CNOT10: variants seen among roughly 807,000 people sequenced by gnomAD.
CNOT10 encodes CCR4-NOT transcription complex subunit 10, also known as CCR4-NOT transcription complex, subunit 10.
In CNOT10, 30 loss-of-function variants were observed where a neutral mutation model predicts 94.6. The ratio of observed to expected loss-of-function variants is 0.32; its 90% CI spans 0.24 to 0.43. The LOEUF is 0.43. CNOT10 is among the 20% of genes least tolerant of loss of function. The probability of loss-of-function intolerance (pLI) is 1.00; values close to 1 mark genes in which losing one functional copy is unlikely to be tolerated. For synonymous variants in CNOT10, 289 were observed against 301.6 expected (o/e 0.96, Z 0.43); for missense variants, 759 against 877.2 (o/e 0.87, Z 1.70).
chr3:32,686,979 C>CCT (rs58293967), intron 1 of CNOT10, among the ~76,000 whole-genome samples: 22,100 of 152,104 alleles, frequency 0.15, 1,715 homozygotes, highest in South Asian at 0.24. Context: ...TAGCTGCACT[C>CCT]CTGTTTGGTA....
At chr3:32,720,949 T>TCCCTTCCC (rs1698368364) in intron 8 of CNOT10, among the ~76,000 whole-genome samples, 1 of 139,026 alleles carries the variant, frequency 7.2e-6, no homozygotes, top group East Asian at 2.3e-4. Context: ...CTTCCCTTCC[T>TCCCTTCCC]TCCCTTCCCT....
chr3:32,717,958 A>G (rs1328824235), intron 7 of CNOT10, among the ~76,000 whole-genome samples: 1 of 152,190 alleles, frequency 6.6e-6, no homozygotes, highest in Non-Finnish European at 1.5e-5. Flanking sequence ...TTGGCTTGAC[A>G]GTACCTTCGA....
At position 32,764,500 on chromosome 3, in the gene CNOT10, A is replaced by C. The variant is rs781110362; in HGVS notation, c.1876+10A>C. On this transcript the variant is annotated intron_variant, in intron 16 of 18. Coordinates refer to ENST00000328834, the MANE Select transcript of CNOT10 (RefSeq NM_015442.3). ...GAAGCAATGGAATCCTGTAAGTAAG[A>C]AGTTTTGTGATACTTAAGTAGCCTG... 36 of 1,612,970 alleles carry C rather than the reference A, an allele frequency of 2.2e-5. No individual in the cohort carries two copies. The highest frequency in any genetic ancestry group is 3.0e-5 in the Non-Finnish European group (35 of 1,179,720).
intron 2 of CNOT10, 84 bp from the exon 3 acceptor site, chr3:32,704,727 T>A (rs184184876): frequency 4.6e-5 from 65 of 1,405,232 alleles, no homozygotes; most frequent in Non-Finnish European, 6.0e-5. Flanking sequence ...AAGATAAAGA[T>A]GAATGAAATA....
At chr3:32,703,671 A>G in intron 1 of CNOT10, 197 bp from the exon 2 acceptor site, 1 of 508,726 alleles carries the variant, frequency 2.0e-6, no homozygotes, top group African/African-American at 1.9e-5. Flanking sequence ...GGGACACTGC[A>G]GGATGGCAAG....
chr3:32,709,672 G>A (rs924655377), intron 4 of CNOT10, among the ~76,000 whole-genome samples: 2 of 151,844 alleles, frequency 1.3e-5, no homozygotes, highest in Non-Finnish European at 2.9e-5. Context: ...CTTGGTAGCT[G>A]GACAGACTGG....
chr3:32,752,906 G>C (rs1412785391), intron 13 of CNOT10: 2 of 388,614 alleles, frequency 5.1e-6, no homozygotes, highest in Non-Finnish European at 1.0e-5. Context: ...CAGTGACTAC[G>C]AGGATGGCGG....
At position 32,690,664 on chromosome 3, in the gene CNOT10, A is replaced by C. The variant is rs185461833; in HGVS notation, c.22+5182A>C. Reference sequence around the variant, plus strand: ...CGGGTTCACACCATTCTCCTGCCTCAGCCTCCCAAGTGGCTAGGACTACAG... The same window carrying C: ...CGGGTTCACACCATTCTCCTGCCTCCGCCTCCCAAGTGGCTAGGACTACAG... On this transcript the variant is annotated intron_variant, in intron 1 of 18. Transcript: ENST00000328834. 8.9e-4 allele frequency among the ~76,000 whole-genome samples: 135 copies of C among 151,686 alleles called. 3 individuals carry two copies. In the East Asian group the frequency reaches 0.019, roughly 21 times the overall value.
rs1416283028 is a variant in CNOT10 at position 32,733,630 on chromosome 3, TATC to T, written c.1337+89_1337+91del. The T allele has an allele frequency of 4.4e-6, 4 of 915,686 alleles. No homozygotes were observed. The South Asian group carries it at 7.5e-5, about 17-fold the overall frequency. The allele number at this position is 915,686 out of a possible 1,614,324, so 56.7% of individuals were successfully genotyped here. A position where few individuals can be genotyped will look rare whatever the true frequency, so the allele number is the denominator to read the frequency against. On this transcript the variant is annotated intron_variant, in intron 11 of 18. Coordinates refer to ENST00000328834, the MANE Select transcript of CNOT10 (RefSeq NM_015442.3). ...TATATATAAAAGTATGATTAGGATTTATCATTGCATAGGAGGAACCACTTTGTA... is the reference window on the plus strand; with the variant it reads ...TATATATAAAAGTATGATTAGGATTTATTGCATAGGAGGAACCACTTTGTA...
At chr3:32,749,602 A>T (rs1459971586) in intron 13 of CNOT10, among the ~76,000 whole-genome samples, 9 of 151,338 alleles carry the variant, frequency 5.9e-5, no homozygotes, top group Non-Finnish European at 1.3e-4. Context: ...TAGAGACAGG[A>T]TTTCCCCATG....
At chr3:32,714,858 T>G (rs1698052138) in intron 5 of CNOT10, among the ~76,000 whole-genome samples, 1 of 152,226 alleles carries the variant, frequency 6.6e-6, no homozygotes, top group South Asian at 2.1e-4. Flanking sequence ...ACTTCCGTTT[T>G]CTGTCCCTTT....
chr3:32,707,522 G>A (rs1388906941), intron 3 of CNOT10, among the ~76,000 whole-genome samples: 2 of 152,128 alleles, frequency 1.3e-5, no homozygotes, highest in South Asian at 2.1e-4. Flanking sequence ...CTATGTCCTC[G>A]GCCAGGTGCG....
intron 14 of CNOT10, among the ~76,000 whole-genome samples, 178 bp from the exon 15 acceptor site, chr3:32,762,555 G>A (rs889169788): frequency 2.0e-5 from 3 of 152,134 alleles, no homozygotes; most frequent in African/African-American, 7.2e-5. Flanking sequence ...AAAGGCATGA[G>A]CCACTACACC....
chr3:32,752,333 C>A (rs1395348729), intron 13 of CNOT10, among the ~76,000 whole-genome samples: 1 of 152,078 alleles, frequency 6.6e-6, no homozygotes, highest in African/African-American at 2.4e-5. Context: ...TCTGTGGAAA[C>A]CCCACAGGGC....
At chr3:32,689,454 G>A (rs927003763) in intron 1 of CNOT10, among the ~76,000 whole-genome samples, 1 of 152,086 alleles carries the variant, frequency 6.6e-6, no homozygotes, top group Non-Finnish European at 1.5e-5. Context: ...TTGACATTTA[G>A]ACAGAAACCC....
intron 1 of CNOT10, among the ~76,000 whole-genome samples, chr3:32,695,293 G>C (rs1696998939): frequency 6.6e-6 from 1 of 152,040 alleles, no homozygotes; most frequent in African/African-American, 2.4e-5. Flanking sequence ...ACATTAGTGG[G>C]CCTGAATTGT....
At position 32,704,832 on chromosome 3, in the gene CNOT10, C is replaced by G. The variant is rs1697540713; in HGVS notation, c.139C>G (p.Leu47Val). The change falls in exon 3 of 19, where the codon CTA (leucine) becomes GTA (valine). Residue 47 changes from leucine (L) to valine (V), a missense_variant. Around this residue, in one of 3 missense-constraint regions of CNOT10, gnomAD observed 682 missense variants for 799.4 expected, o/e 0.85. Coordinates refer to ENST00000328834, the MANE Select transcript of CNOT10 (RefSeq NM_015442.3). Reference sequence around the variant, plus strand: ...TTAGTCTGGAAATTATGATGCCTGTCTACAACACCTTGCCTGTCTACAAGA... The same window carrying G: ...TTAGTCTGGAAATTATGATGCCTGTGTACAACACCTTGCCTGTCTACAAGA... ...AFTSGNYDAC[L>V]QHLACLQDIN... The G allele has an allele frequency of 5.1e-6, 8 of 1,561,662 alleles. 1 individual carries two copies. The highest frequency in any genetic ancestry group is 1.7e-4 in the Middle Eastern group (1 of 5,912).
Position 32,764,734 on chromosome 3 carries a change from T to C in CNOT10, c.1929T>C (p.Thr643=). 1 of 1,614,168 alleles carries C rather than the reference T, an allele frequency of 6.2e-7. No homozygotes were observed. The highest frequency in any genetic ancestry group is 8.5e-7 in the Non-Finnish European group (1 of 1,180,044). ...CCAGTTCCGTCAACTCTGCCAGGAC[T>C]GTGATGCTGTTCAACCTTGGCAGCG... ...CYPSSVNSAR[T]VMLFNLGSAY... The change falls in exon 17 of 19, where the codon ACT becomes ACC. Residue 643 remains threonine (T), a synonymous_variant. Transcript: ENST00000328834.
intron 10 of CNOT10, chr3:32,731,155 C>T (rs1014499925): frequency 6.6e-6 from 1 of 152,136 alleles, no homozygotes; most frequent in African/African-American, 2.4e-5. Flanking sequence ...TTAAAATATC[C>T]ACTTTTTCAT....
Sources: allele counts gnomAD v4.1 joint callset (sites outside exome capture counted in the v4.1 genomes callset), GRCh38; gene constraint gnomAD v4.1.1; regional missense constraint gnomAD v4.1.1; transcripts MANE v1.5; gene names NCBI Gene and HGNC (gene_info 2026-07-23, HGNC 2026-07-21).